Variants in ANO4 observed in about 807,000 individuals in gnomAD.
The protein encoded by ANO4 is anoctamin-4.
ANO4 carries 69 observed loss-of-function variants against 141.9 expected under a neutral mutation model. That is an observed-to-expected ratio of 0.49 (90% confidence interval 0.40 to 0.59). The LOEUF (loss-of-function observed/expected upper bound fraction) is 0.59, where lower values mean the gene tolerates loss of function less well. Among genes scored for constraint, ANO4 ranks in the 20% least tolerant of loss-of-function variants. The probability of loss-of-function intolerance (pLI) is 0.00; values close to 1 mark genes in which losing one functional copy is unlikely to be tolerated. For synonymous variants in ANO4, 350 were observed against 394.3 expected, an observed-to-expected ratio of 0.89 and a Z score of 1.33; for missense variants, 894 against 1,162.2, an observed-to-expected ratio of 0.77 and a Z score of 3.36.
intron 5 of ANO4, among the ~76,000 whole-genome samples, chr12:100,961,274 A>C (rs1223327898): frequency 6.6e-6 from 1 of 152,216 alleles, no homozygotes; most frequent in Non-Finnish European, 1.5e-5. Context: ...AATAGATCTA[A>C]GAAGGTGATG....
At chr12:100,979,885 G>A (rs1485592759) in intron 7 of ANO4, among the ~76,000 whole-genome samples, 3 of 147,114 alleles carry the variant, frequency 2.0e-5, no homozygotes, top group East Asian at 4.0e-4. Flanking sequence ...CCACCACCAC[G>A]CCCAGCTGAC....
At chr12:100,848,417 C>CA (rs1240580326) in intron 1 of ANO4, among the ~76,000 whole-genome samples, 1 of 152,120 alleles carries the variant, frequency 6.6e-6, no homozygotes, top group East Asian at 1.9e-4. Context: ...AATCACCAGG[C>CA]AAACTTTTAA....
intron 17 of ANO4, among the ~76,000 whole-genome samples, chr12:101,087,676 C>T (rs183321276): frequency 3.3e-5 from 5 of 152,150 alleles, no homozygotes; most frequent in Non-Finnish European, 5.9e-5. Flanking sequence ...CAAACTCACA[C>T]GTTAAACTGC....
At chr12:101,112,393 C>A (rs569756739) in intron 24 of ANO4, among the ~76,000 whole-genome samples, 28 of 152,300 alleles carry the variant, frequency 1.8e-4, no homozygotes, top group African/African-American at 5.5e-4. Context: ...ATTATAACAT[C>A]CCCTAGTTTC....
Position 101,099,617 on chromosome 12 carries a change from A to C in ANO4, c.2046A>C (p.Gln682His), listed in dbSNP as rs546780960. The C allele has an allele frequency of 6.2e-7, 1 of 1,605,022 alleles. No homozygotes were observed. Among genetic ancestry groups the C allele is most frequent in the South Asian group, 1.1e-5 (1 of 88,560 alleles). ...QNWWTRRKVR[Q>H]EHGPERKISF... ...GGTGGACTAGAAGAAAAGTACGACA[A>C]GAACATGGACCTGAAAGGAAAATAA... is the stretch of plus-strand genomic sequence containing the variant. Residue 682 changes from glutamine to histidine, a missense_variant, in exon 22 of 28, where the codon CAA (glutamine) becomes CAC (histidine). By Grantham distance (24) the Gln-to-His change is conservative. Transcript: ENST00000392977.
At position 101,043,522 on chromosome 12, in the gene ANO4, T is replaced by C. The variant is rs2047496449; in HGVS notation, c.1155-17T>C. 1 of 1,593,302 alleles carries C rather than the reference T, an allele frequency of 6.3e-7. No individual in the cohort carries two copies. Among genetic ancestry groups the C allele is most frequent in the Non-Finnish European group, 8.6e-7 (1 of 1,161,658 alleles). ...TCCATGTCATCAAAAAGCAGTCCTTTCTGTTCTCTTTTCCAGTAAAGAAGT... is the reference window on the plus strand; with the variant it reads ...TCCATGTCATCAAAAAGCAGTCCTTCCTGTTCTCTTTTCCAGTAAAGAAGT... On this transcript the variant is annotated splice_polypyrimidine_tract_variant and intron_variant, in intron 12 of 27. Transcript: ENST00000392977.
rs117780422 is a variant in ANO4, at chr12:100,727,808, C to T, written c.23-5966C>T. Among the ~76,000 whole-genome samples, 148 of 152,246 alleles carry T rather than the reference C, an allele frequency of 9.7e-4. 2 individuals carry two copies. The East Asian group carries it at 0.027, about 28-fold the overall frequency. On this transcript the variant is annotated intron_variant, in intron 1 of 29. Transcript: ENST00000644049. ...TTATATTCCTTCTCCCACTGTTCCT[C>T]ACCACCCTACCCCATCCTTACCCCT...
chr12:100,851,837 C>G (rs1278578933), intron 1 of ANO4, among the ~76,000 whole-genome samples: 8 of 151,956 alleles, frequency 5.3e-5, no homozygotes, highest in Non-Finnish European at 1.2e-4. Context: ...ACCTGATGCT[C>G]CAAGCAGAGG....
intron 5 of ANO4, among the ~76,000 whole-genome samples, chr12:100,953,544 C>T (rs766800118): frequency 6.6e-6 from 1 of 152,214 alleles, no homozygotes; most frequent in Non-Finnish European, 1.5e-5. Flanking sequence ...ACTCCATTTC[C>T]AGATGAAGTA....
chr12:100,976,845 T>C (rs1015912711), intron 7 of ANO4, among the ~76,000 whole-genome samples: 6 of 152,184 alleles, frequency 3.9e-5, no homozygotes, highest in East Asian at 1.9e-4. Flanking sequence ...AGTGGAAATA[T>C]CAAGTTTGTA....
chr12:101,031,390 T>C (rs948205453), intron 9 of ANO4, among the ~76,000 whole-genome samples: 20 of 152,156 alleles, frequency 1.3e-4, no homozygotes, highest in African/African-American at 4.8e-4. Context: ...CAACAGCCCT[T>C]CATGCTAAAA....
chr12:100,785,515 T>C (rs1022345289), intron 3 of ANO4, among the ~76,000 whole-genome samples: 5 of 152,230 alleles, frequency 3.3e-5, no homozygotes, highest in Non-Finnish European at 5.9e-5. Context: ...CTTCTCAGAT[T>C]GGCTTCTTAC....
chr12:101,111,724 A>G lies in ANO4; in HGVS notation c.2450+14A>G. 4 of 1,588,636 alleles carry G rather than the reference A, an allele frequency of 2.5e-6. No individual in the cohort carries two copies. Among genetic ancestry groups the G allele is most frequent in the Non-Finnish European group, 3.4e-6 (4 of 1,169,916 alleles). On this transcript the variant is annotated intron_variant, in intron 24 of 27. Transcript: ENST00000392977. ...AGCTGGGCAAAAGTAAGTTTGCTAT[A>G]AAACCACTATACAGTTTCTATTTCC...
In ANO4 at chr12:100,861,950, T is replaced by G. The variant is rs2038502438; in HGVS notation, c.-140-39696T>G. 1.3e-5 allele frequency among the ~76,000 whole-genome samples: 2 copies of G among 152,196 alleles called. 1 individual carries two copies. Among genetic ancestry groups the G allele is most frequent in the Admixed American group, 1.3e-4 (2 of 15,282 alleles). ...ATCACTGTCTTCCATCTCCACATCT[T>G]GTCCCACTGGAAGGTCTTCAGGGGC... On this transcript the variant is annotated intron_variant, in intron 1 of 27. Transcript: ENST00000392977.
chr12:101,042,665 T>C (rs1408616883), intron 12 of ANO4, among the ~76,000 whole-genome samples, 197 bp downstream of exon 12: 3 of 152,222 alleles, frequency 2.0e-5, no homozygotes, highest in Non-Finnish European at 4.4e-5. Flanking sequence ...TCAGATACCA[T>C]GCAAGTAAAA....
chr12:100,769,304 A>G (rs1282870012), intron 3 of ANO4, among the ~76,000 whole-genome samples: 1 of 152,242 alleles, frequency 6.6e-6, no homozygotes, highest in African/African-American at 2.4e-5. Flanking sequence ...CCTGAAATTG[A>G]TCCGAACTCT....
chr12:100,839,806 C>T (rs1360780888), intron 1 of ANO4, among the ~76,000 whole-genome samples: 1 of 152,032 alleles, frequency 6.6e-6, no homozygotes, highest in African/African-American at 2.4e-5. Flanking sequence ...GTCTGGGCTT[C>T]ACTGTCTGCA....
At chr12:100,940,258 A>G (rs2042458065) in intron 4 of ANO4, among the ~76,000 whole-genome samples, 1 of 151,648 alleles carries the variant, frequency 6.6e-6, no homozygotes, top group South Asian at 2.1e-4. Flanking sequence ...ATCTGTTTAC[A>G]CAGATACTTT....
chr12:101,124,020 G>A (rs111510252), intron 26 of ANO4, among the ~76,000 whole-genome samples: 2,806 of 152,096 alleles, frequency 0.018, 98 homozygotes, highest in African/African-American at 0.064. Flanking sequence ...ATTTCTGCTT[G>A]TAAATCACTG....
Sources: gnomAD v4.1 joint callset for allele counts (sites outside exome capture counted in the v4.1 genomes callset) on GRCh38, gnomAD v4.1.1 for gene constraint, MANE v1.5 for transcripts, NCBI Gene and HGNC (gene_info 2026-07-23, HGNC 2026-07-21) for gene names.